Variants in BOP1 observed in about 807,000 individuals in gnomAD.
BOP1 encodes ribosome biogenesis protein BOP1.
BOP1 carries 54 observed loss-of-function variants against 82.9 expected under a neutral mutation model. That is an observed-to-expected ratio of 0.65 (90% CI 0.52 to 0.82). The LOEUF (loss-of-function observed/expected upper bound fraction) is 0.82, where lower values mean the gene tolerates loss of function less well. Among genes scored for constraint, BOP1 ranks in the 40% least tolerant of loss-of-function variants. The pLI is 0.00. For missense variants in BOP1, 1,170 were observed against 1,072.0 expected, an observed-to-expected ratio of 1.09 and a Z score of -1.28; for synonymous variants, 566 against 451.1, an observed-to-expected ratio of 1.25 and a Z score of -3.23.
Position 144,262,247 on chromosome 8 carries a change from C to T in BOP1, c.2158G>A (p.Gly720Arg). ...GGGTGGAAGATGACGTCCAGCACTC[C>T]CAGATCTCGGGTCAGCACGTGTCCC... ...LKGHVLTRDL[G>R]VLDVIFHPTQ... Residue 720 changes from glycine (G) to arginine (R), a missense_variant, in exon 16 of 16, where the codon GGA (glycine) becomes AGA (arginine). Coordinates refer to ENST00000569669, the MANE Select transcript of BOP1 (RefSeq NM_015201.5). 1 of 1,612,748 alleles carries T rather than the reference C, an allele frequency of 6.2e-7. No individual in the cohort carries two copies. The highest frequency in any genetic ancestry group is 8.5e-7 in the Non-Finnish European group (1 of 1,179,802).
At chr8:144,277,051 C>T (rs1054520018) in intron 2 of BOP1, among the ~76,000 whole-genome samples, 10 of 152,146 alleles carry the variant, frequency 6.6e-5, no homozygotes, top group South Asian at 2.1e-4. Context: ...CCAACCGGAT[C>T]GGGTTTACTG....
chr8:144,262,213 G>T lies in BOP1; in HGVS notation c.2192C>A (p.Pro731Gln). 1 of 1,612,684 alleles carries T rather than the reference G, an allele frequency of 6.2e-7. No homozygotes were observed. Among genetic ancestry groups the T allele is most frequent in the Middle Eastern group, 1.7e-4 (1 of 6,036 alleles). Residue 731 changes from proline (P) to glutamine (Q), a missense_variant, in exon 16 of 16, where the codon CCG (proline) becomes CAG (glutamine). Pro to Gln is a moderately conservative substitution (Grantham distance 76). Transcript: ENST00000569669. ...VLDVIFHPTQ[P>Q]WVFSSGADGT... ...GTCTGCCCCCGAGGAGAAGACCCAC[G>T]GCTGGGTGGGGTGGAAGATGACGTC... is the stretch of plus-strand genomic sequence containing the variant.
intron 3 of BOP1, among the ~76,000 whole-genome samples, chr8:144,275,359 C>T (rs1161305986): frequency 2.6e-5 from 4 of 152,164 alleles, no homozygotes; most frequent in South Asian, 4.1e-4. Context: ...GAGCTTCCAG[C>T]CCCTCCCAAA....
chr8:144,262,752 A>G (rs896814940), intron 13 of BOP1, 80 bp from the exon 14 acceptor site: 227 of 1,456,014 alleles, frequency 1.6e-4, no homozygotes, highest in Non-Finnish European at 1.8e-4. Context: ...TACACCCCTC[A>G]CCTGCAGGGT....
chr8:144,262,064 T>C lies in BOP1; in HGVS notation c.*100A>G, dbSNP rs984373759. 3.2e-6 allele frequency: 5 copies of C among 1,563,164 alleles called. No individual in the cohort carries two copies. Among genetic ancestry groups the C allele is most frequent in the Non-Finnish European group, 4.4e-6 (5 of 1,147,298 alleles). On this transcript the variant is annotated 3_prime_UTR_variant, in exon 16 of 16. Transcript: ENST00000569669. ...CGGCGCTGTGGTGGGGGCGGCTTTG[T>C]TGGCAACCCCAATTCAAGAAGGTGG...
intron 3 of BOP1, chr8:144,266,770 C>T: frequency 1.9e-6 from 2 of 1,055,528 alleles, no homozygotes; most frequent in Admixed American, 5.5e-5. Flanking sequence ...CCAGGGCGCC[C>T]GGCGGAGGGC....
chr8:144,262,831 G>T, intron 13 of BOP1, 22 bp downstream of exon 13: 1 of 1,275,112 alleles, frequency 7.8e-7, no homozygotes, highest in African/African-American at 2.6e-5. Context: ...CACCTGCAGG[G>T]TGCACCGCCC....
intron 3 of BOP1, chr8:144,268,509 G>A (rs931582538): frequency 0.014 from 4,797 of 334,354 alleles, 216 homozygotes; most frequent in African/African-American, 0.092. Context: ...CTCATGAAAG[G>A]TTCAGAATCC....
intron 2 of BOP1, among the ~76,000 whole-genome samples, chr8:144,282,669 A>G (rs987597511): frequency 1.3e-5 from 2 of 152,058 alleles, no homozygotes; most frequent in Non-Finnish European, 2.9e-5. Context: ...GGGGAGGTAC[A>G]GCACCCACCC....
intron 2 of BOP1, among the ~76,000 whole-genome samples, chr8:144,282,253 G>C (rs1490016145): frequency 1.3e-5 from 2 of 152,232 alleles, no homozygotes; most frequent in African/African-American, 4.8e-5. Flanking sequence ...AGGGCAGGGA[G>C]CACACAGCCC....
chr8:144,262,110 T>C lies in BOP1; in HGVS notation c.*54A>G. The C allele has an allele frequency of 6.2e-7, 1 of 1,608,974 alleles. No individual in the cohort carries two copies. On this transcript the variant is annotated 3_prime_UTR_variant, in exon 16 of 16. Transcript: ENST00000569669. ...GGTGGGAGCACCAGGCAGCACAGGG[T>C]AAAGGCTCTGTTGACTTCAGCACGA...
intron 2 of BOP1, among the ~76,000 whole-genome samples, chr8:144,286,083 C>T (rs1372733642): frequency 4.6e-5 from 7 of 152,138 alleles, no homozygotes; most frequent in Admixed American, 2.0e-4. Flanking sequence ...TCAAGAGGGG[C>T]GCGGAGGGCA....
chr8:144,281,097 CCAGGTCTTCGGCCTTCTCTCAGTTTA>C lies in BOP1; in HGVS notation c.310-4819_310-4794del, dbSNP rs1588603978. On this transcript the variant is annotated intron_variant, in intron 2 of 15. Coordinates refer to ENST00000569669, the MANE Select transcript of BOP1 (RefSeq NM_015201.5). ...TCTTCGGCCTTCTCTCACTTTAATA[CCAGGTCTTCGGCCTTCTCTCAGTTTA>C]ATACCAGGTCTTAGGCCTTCTCTCA... 8.6e-4 allele frequency among the ~76,000 whole-genome samples: 130 copies of C among 150,608 alleles called. 26 individuals carry two copies. Among genetic ancestry groups the C allele is most frequent in the East Asian group, 1.6e-3 (8 of 5,026 alleles).
At chr8:144,279,264 G>A (rs751107110) in intron 2 of BOP1, among the ~76,000 whole-genome samples, 4 of 150,180 alleles carry the variant, frequency 2.7e-5, no homozygotes, top group Middle Eastern at 3.5e-3. Flanking sequence ...TGGGCCCCAC[G>A]ATCACCACAG....
chr8:144,285,809 G>A (rs1316126534), intron 2 of BOP1, among the ~76,000 whole-genome samples: 1 of 152,248 alleles, frequency 6.6e-6, no homozygotes, highest in Non-Finnish European at 1.5e-5. Flanking sequence ...AGAGCCCCTG[G>A]TGGCCCGGCC....
chr8:144,263,010 G>A lies in BOP1; in HGVS notation c.1737C>T (p.His579=), dbSNP rs782110500. 7.7e-6 allele frequency: 12 copies of A among 1,560,052 alleles called. No individual in the cohort carries two copies. The highest frequency in any genetic ancestry group is 6.7e-5 in the African/African-American group (5 of 74,178). Residue 579 remains histidine (H), a synonymous_variant, in exon 13 of 16, where the codon CAC becomes CAT. Transcript: ENST00000569669. ...GGAAGGCCACTCGCTGCACCTGTCC[G>A]TGGCTGCGGCGGAACGGACTCTGGC... The part of the protein sequence containing the change: ...RRSQSPFRRS[H]GQVQRVAFHP...
At chr8:144,285,520 A>G (rs1451214380) in intron 2 of BOP1, among the ~76,000 whole-genome samples, 10 of 152,094 alleles carry the variant, frequency 6.6e-5, no homozygotes, top group African/African-American at 2.2e-4. Flanking sequence ...CATTACCCTC[A>G]CTTACCAAGT....
At chr8:144,276,379 CCCA>C in intron 2 of BOP1, 75 bp from the exon 3 acceptor site, 1 of 1,519,588 alleles carries the variant, frequency 6.6e-7, no homozygotes, top group Non-Finnish European at 9.0e-7. Context: ...TCCCAGGAAG[CCCA>C]CCACCCCGAA....
At chr8:144,266,480 G>C in intron 3 of BOP1, 1 of 984,894 alleles carries the variant, frequency 1.0e-6, no homozygotes, top group East Asian at 1.1e-4. Flanking sequence ...TGCGCGCGAC[G>C]CCCGGCAGCT....
Sources: allele counts gnomAD v4.1 joint callset (sites outside exome capture counted in the v4.1 genomes callset), GRCh38; gene constraint gnomAD v4.1.1; transcripts MANE v1.5; gene names NCBI Gene and HGNC (gene_info 2026-07-23, HGNC 2026-07-21).